SHC4: variants seen among roughly 807,000 people sequenced by gnomAD.
The protein encoded by SHC4 is SHC adaptor protein 4.
In SHC4, 41 loss-of-function variants were observed where a neutral mutation model predicts 69.4. The observed-to-expected ratio is 0.59, with a 90% CI of 0.46 to 0.77. SHC4 has a LOEUF of 0.77. Ranked by LOEUF, SHC4 falls within the 30% of genes least tolerant of loss-of-function variation. The pLI is 0.00. For missense variants in SHC4, 777 were observed against 783.8 expected (o/e 0.99, Z 0.10); for synonymous variants, 318 against 299.3 (o/e 1.06, Z -0.64).
chr15:48,890,976 C>G, intron 2 of SHC4, among the ~76,000 whole-genome samples, 165 bp from the exon 3 acceptor site: 1 of 152,190 alleles, frequency 6.6e-6, no homozygotes. Context: ...GCTGTACTTA[C>G]TCCTTCTGCA....
chr15:48,841,557 A>G (rs1474654074), intron 10 of SHC4, among the ~76,000 whole-genome samples: 1 of 152,156 alleles, frequency 6.6e-6, no homozygotes, highest in Admixed American at 6.5e-5. Flanking sequence ...CCACATCCCA[A>G]GACTGAGATA....
intron 2 of SHC4, among the ~76,000 whole-genome samples, chr15:48,917,129 C>T (rs1003363350): frequency 1.3e-5 from 2 of 152,090 alleles, no homozygotes; most frequent in Admixed American, 6.5e-5. Context: ...CCCACCTAGA[C>T]ACAAAGAGGT....
chr15:48,898,907 T>C (rs1900268852), intron 2 of SHC4, among the ~76,000 whole-genome samples: 1 of 152,230 alleles, frequency 6.6e-6, no homozygotes, highest in Non-Finnish European at 1.5e-5. Context: ...AAGATTGTTC[T>C]CCTTTAGGGT....
chr15:48,927,042 G>A (rs893659554), intron 1 of SHC4, among the ~76,000 whole-genome samples: 1 of 152,098 alleles, frequency 6.6e-6, no homozygotes, highest in Non-Finnish European at 1.5e-5. Flanking sequence ...GGTACCTTAA[G>A]GAAGTTGTGT....
chr15:48,914,333 C>G (rs1900576405), intron 2 of SHC4, among the ~76,000 whole-genome samples: 1 of 152,214 alleles, frequency 6.6e-6, no homozygotes. Context: ...CCCTGCAAAA[C>G]AGCTGTGTGG....
intron 1 of SHC4, among the ~76,000 whole-genome samples, chr15:48,957,954 T>C (rs560083105): frequency 2.0e-5 from 3 of 152,318 alleles, no homozygotes; most frequent in African/African-American, 7.2e-5. Context: ...TGCAGGCAAC[T>C]GCCAAAAGCT....
At chr15:48,846,930 G>A (rs927452584) in intron 9 of SHC4, among the ~76,000 whole-genome samples, 8 of 151,676 alleles carry the variant, frequency 5.3e-5, no homozygotes, top group East Asian at 1.9e-4. Context: ...CAAAAACATC[G>A]GTGTTTATAT....
At chr15:48,936,243 T>G (rs1901068061) in intron 1 of SHC4, among the ~76,000 whole-genome samples, 1 of 152,204 alleles carries the variant, frequency 6.6e-6, no homozygotes, top group African/African-American at 2.4e-5. Flanking sequence ...ATTTGTTCAG[T>G]CATTCACATT....
At chr15:48,868,346 G>A (rs930091424) in intron 5 of SHC4, among the ~76,000 whole-genome samples, 33 of 152,148 alleles carry the variant, frequency 2.2e-4, no homozygotes, top group African/African-American at 8.0e-4. Context: ...GTGGTTGTTA[G>A]CTTGCTTGTA....
intron 1 of SHC4, among the ~76,000 whole-genome samples, chr15:48,939,357 G>A (rs1317131601): frequency 1.3e-5 from 2 of 152,202 alleles, no homozygotes; most frequent in Admixed American, 1.3e-4. Context: ...AGAGGTGATG[G>A]TGGAGGAATT....
chr15:48,923,016 G>A (rs1900778673), intron 2 of SHC4, among the ~76,000 whole-genome samples: 2 of 152,166 alleles, frequency 1.3e-5, no homozygotes, highest in Non-Finnish European at 2.9e-5. Context: ...TATCCAGTGA[G>A]CCTCTGCCAT....
At chr15:48,958,376 C>T (rs1745916620) in intron 1 of SHC4, among the ~76,000 whole-genome samples, 1 of 152,112 alleles carries the variant, frequency 6.6e-6, no homozygotes, top group African/African-American at 2.4e-5. Context: ...GTTAGGAATC[C>T]TCAGTCTGCT....
chr15:48,871,247 GACAT>G (rs1899671418), intron 5 of SHC4, among the ~76,000 whole-genome samples: 2 of 152,182 alleles, frequency 1.3e-5, no homozygotes, highest in African/African-American at 4.8e-5. Context: ...CTGCTTTCTT[GACAT>G]GGCTGATGTT....
chr15:48,926,371 A>G (rs1900854046), intron 1 of SHC4, among the ~76,000 whole-genome samples: 1 of 152,062 alleles, frequency 6.6e-6, no homozygotes, highest in Admixed American at 6.6e-5. Flanking sequence ...CAGCCTCTCT[A>G]TGCTTGGGAA....
At chr15:48,868,157 C>T (rs1325826839) in intron 5 of SHC4, among the ~76,000 whole-genome samples, 2 of 152,284 alleles carry the variant, frequency 1.3e-5, no homozygotes, top group East Asian at 3.9e-4. Flanking sequence ...CATGTTAGGA[C>T]ATATTCTTTA....
At chr15:48,879,383 A>T (rs2140999699) in intron 4 of SHC4, 1 of 167,238 alleles carries the variant, frequency 6.0e-6, no homozygotes, top group Middle Eastern at 3.4e-3. Context: ...TTATAAAGCC[A>T]CTGTGATCTA....
At chr15:48,880,915 C>T (rs1454276598) in intron 4 of SHC4, among the ~76,000 whole-genome samples, 1 of 151,534 alleles carries the variant, frequency 6.6e-6, no homozygotes, top group African/African-American at 2.4e-5. Context: ...TGGCTCATGT[C>T]CTAAACTGAA....
At chr15:48,955,269 G>C (rs531139507) in intron 1 of SHC4, among the ~76,000 whole-genome samples, 8 of 152,310 alleles carry the variant, frequency 5.3e-5, no homozygotes, top group Admixed American at 4.6e-4. Flanking sequence ...CCACGGGTGG[G>C]TGTGCAAACC....
intron 1 of SHC4, among the ~76,000 whole-genome samples, chr15:48,944,086 G>T (rs1257917150): frequency 6.6e-6 from 1 of 152,116 alleles, no homozygotes; most frequent in Non-Finnish European, 1.5e-5. Context: ...TCAGAAAAAG[G>T]TCTATTTAGT....
Sources: allele counts gnomAD v4.1 joint callset (sites outside exome capture counted in the v4.1 genomes callset), GRCh38; gene constraint gnomAD v4.1.1; transcripts MANE v1.5; gene names NCBI Gene and HGNC (gene_info 2026-07-23, HGNC 2026-07-21).